TENM2: variants seen among roughly 807,000 people sequenced by gnomAD.
TENM2 encodes the protein teneurin transmembrane protein 2.
A neutral mutation model predicts 245.2 loss-of-function variants in TENM2; 52 were observed. That is an observed-to-expected ratio of 0.21 (90% CI 0.17 to 0.27). The LOEUF (loss-of-function observed/expected upper bound fraction) is 0.27, where lower values mean the gene tolerates loss of function less well. Among genes scored for constraint, TENM2 ranks in the 10% least tolerant of loss-of-function variants. TENM2 has a pLI of 1.00. For synonymous variants in TENM2, 1,363 were observed against 1,438.9 expected, an observed-to-expected ratio of 0.95 and a Z score of 1.19; for missense variants, 3,046 against 3,666.8, an observed-to-expected ratio of 0.83 and a Z score of 4.37.
At chr5:167,352,806 G>A (rs1028343095) in intron 1 of TENM2, among the ~76,000 whole-genome samples, 6 of 152,136 alleles carry the variant, frequency 3.9e-5, no homozygotes, top group Non-Finnish European at 8.8e-5. Flanking sequence ...CGGCATTAAC[G>A]CAAAATAATA....
rs140211220 is a variant in TENM2, at chr5:168,148,389, G to A, written c.2423-14222G>A. On this transcript the variant is annotated intron_variant, in intron 12 of 28. Coordinates refer to ENST00000518659, the Ensembl canonical transcript of TENM2. ...TGAATACCATTGTACAAGCTTTCAA[G>A]AAACAGAAGTCTCTTATTTCTCATA... 2.0e-4 allele frequency among the ~76,000 whole-genome samples: 30 copies of A among 152,344 alleles called. 1 individual carries two copies. In the East Asian group the frequency reaches 5.0e-3, roughly 25 times the overall value.
intron 6 of TENM2, among the ~76,000 whole-genome samples, chr5:168,057,286 C>A (rs960525213): frequency 6.7e-6 from 1 of 150,312 alleles, no homozygotes; most frequent in African/African-American, 2.5e-5. Context: ...CTCCTGCTGA[C>A]CCCCTACCCC....
intron 12 of TENM2, among the ~76,000 whole-genome samples, chr5:168,152,072 A>G (rs1189914211): frequency 6.6e-6 from 1 of 152,186 alleles, no homozygotes; most frequent in Non-Finnish European, 1.5e-5. Context: ...ACTTTGGCCA[A>G]ATTACTTAAC....
At chr5:167,392,575 A>C (rs959004519) in intron 2 of TENM2, among the ~76,000 whole-genome samples, 2 of 152,156 alleles carry the variant, frequency 1.3e-5, no homozygotes, top group Non-Finnish European at 1.5e-5. Flanking sequence ...TCCAACTCTC[A>C]GGCCTTGAAA....
At chr5:167,828,132 C>T in intron 2 of TENM2, among the ~76,000 whole-genome samples, 1 of 152,322 alleles carries the variant, frequency 6.6e-6, no homozygotes, top group South Asian at 2.1e-4. Flanking sequence ...TCAGGAAAGC[C>T]TTACAGATTA....
At chr5:167,077,132 G>T in the TENM2 span, among the ~76,000 whole-genome samples, 5 of 152,044 alleles carry the variant, frequency 3.3e-5, no homozygotes, top group African/African-American at 1.2e-4. Flanking sequence ...GGCCTGAACT[G>T]TTTTTTAAAC....
rs534321933 is a variant in TENM2 at position 167,985,933 on chromosome 5, C to T, written c.948-7011C>T. On this transcript the variant is annotated intron_variant, in intron 4 of 28. Transcript: ENST00000518659. ...GGTAGCTTAGCCAGCCTCCGCTTCT[C>T]AAAGCTACCACTCTAGATTAGTCAA... Among the ~76,000 whole-genome samples, 3 of 152,334 alleles carry T rather than the reference C, an allele frequency of 2.0e-5. No individual in the cohort carries two copies. The East Asian group carries it at 5.8e-4, about 29-fold the overall frequency.
chr5:167,924,891 A>T (rs760789996), intron 3 of TENM2, among the ~76,000 whole-genome samples: 33 of 152,180 alleles, frequency 2.2e-4, no homozygotes, highest in Non-Finnish European at 3.7e-4. Context: ...GAGAACACCA[A>T]ATACTGGCAG....
At chr5:167,134,598 C>A in the TENM2 span, among the ~76,000 whole-genome samples, 1 of 152,200 alleles carries the variant, frequency 6.6e-6, no homozygotes, top group Admixed American at 6.5e-5. Flanking sequence ...TGGAATTAGA[C>A]GCTGAGCCTG....
At chr5:167,547,375 C>T (rs1217057628) in intron 2 of TENM2, among the ~76,000 whole-genome samples, 4 of 152,048 alleles carry the variant, frequency 2.6e-5, no homozygotes, top group South Asian at 2.1e-4. Flanking sequence ...CCGGCCTTGG[C>T]GGTGGAATGT....
the TENM2 span, among the ~76,000 whole-genome samples, chr5:167,101,849 T>TTATATATATATATATATA: frequency 0.035 from 2,391 of 68,864 alleles, 124 homozygotes; most frequent in Non-Finnish European, 0.042. Flanking sequence ...ATATATATAT[T>TTATATATATATATATATA]TATATATATA....
chr5:168,002,835 C>T (rs934558870), intron 5 of TENM2, among the ~76,000 whole-genome samples: 4 of 152,216 alleles, frequency 2.6e-5, no homozygotes, highest in African/African-American at 7.2e-5. Context: ...AGAAATTTCA[C>T]TTTGGCATAT....
chr5:167,105,844 C>T, the TENM2 span, among the ~76,000 whole-genome samples: 162 of 130,426 alleles, frequency 1.2e-3, no homozygotes, highest in African/African-American at 4.5e-3. Context: ...GCCGAGATCC[C>T]GCCACTGCAC....
At chr5:167,105,874 C>T in the TENM2 span, among the ~76,000 whole-genome samples, 4 of 103,542 alleles carry the variant, frequency 3.9e-5, no homozygotes, top group Admixed American at 1.3e-4. Context: ...GGCGACAGAG[C>T]GAGACTCCGT....
rs146685428 is a variant in TENM2 at position 167,495,349 on chromosome 5, G to A, written c.502+119876G>A. Among the ~76,000 whole-genome samples the A allele has an allele frequency of 2.0e-3, 304 of 151,686 alleles. 3 individuals are homozygous for A. The highest frequency in any genetic ancestry group is 7.0e-3 in the African/African-American group (291 of 41,364). On this transcript the variant is annotated intron_variant, in intron 2 of 28. Coordinates refer to ENST00000518659, the Ensembl canonical transcript of TENM2. ...GGAATTATGCTTGAAAATTCTTTGG[G>A]GCTGTTTCCTCAGCCTACAGTGGCA...
chr5:167,767,607 A>T (rs1031098767), intron 2 of TENM2, among the ~76,000 whole-genome samples: 5 of 152,210 alleles, frequency 3.3e-5, no homozygotes, highest in Admixed American at 1.3e-4. Flanking sequence ...TGCTAGATAG[A>T]AAGGAAGCAA....
At chr5:167,984,438 A>G (rs1783078010) in intron 4 of TENM2, among the ~76,000 whole-genome samples, 1 of 152,140 alleles carries the variant, frequency 6.6e-6, no homozygotes, top group African/African-American at 2.4e-5. Context: ...ATGGTGGATC[A>G]CGAGGTCAGG....
chr5:167,637,877 C>T (rs1354821705), intron 2 of TENM2, among the ~76,000 whole-genome samples: 1 of 151,880 alleles, frequency 6.6e-6, no homozygotes, highest in African/African-American at 2.4e-5. Flanking sequence ...AGCTTAAAAC[C>T]TAGATGACGG....
At chr5:167,084,327 T>TTATATA in the TENM2 span, among the ~76,000 whole-genome samples, 1,733 of 23,028 alleles carry the variant, frequency 0.075, 396 homozygotes, top group Non-Finnish European at 0.13. Flanking sequence ...GCCATTTTAG[T>TTATATA]TATATATATA....
Sources: gnomAD v4.1 joint callset for allele counts (sites outside exome capture counted in the v4.1 genomes callset) on GRCh38, gnomAD v4.1.1 for gene constraint, MANE v1.5 for transcripts, NCBI Gene and HGNC (gene_info 2026-07-23, HGNC 2026-07-21) for gene names.